CPD: variants seen among roughly 807,000 people sequenced by gnomAD.
CPD encodes carboxypeptidase D.
Under a neutral mutation model 138.3 loss-of-function variants are expected in CPD, and 69 were observed. That is an observed-to-expected ratio of 0.50 (90% confidence interval 0.41 to 0.61). The LOEUF (loss-of-function observed/expected upper bound fraction) is 0.61, where lower values mean the gene tolerates loss of function less well. Among genes scored for constraint, CPD ranks in the 20% least tolerant of loss-of-function variants. CPD has a pLI of 0.00. For missense variants in CPD, 1,432 were observed against 1,733.3 expected (o/e 0.83, Z 3.09); for synonymous variants, 651 against 642.1 (o/e 1.01, Z -0.21).
chr17:30,381,259 A>G (rs1911036145), intron 1 of CPD, among the ~76,000 whole-genome samples: 1 of 152,022 alleles, frequency 6.6e-6, no homozygotes, highest in African/African-American at 2.4e-5. Flanking sequence ...CTTTTTGGAG[A>G]TGATACAACA....
In CPD at chr17:30,445,654, G is replaced by A. The variant is rs562762124; in HGVS notation, c.2544-37G>A. On this transcript the variant is annotated intron_variant, in intron 11 of 20. Coordinates refer to ENST00000225719, the MANE Select transcript of CPD (RefSeq NM_001304.5). ...TTCCCAGGGTTTGGGTACTCCAGCT[G>A]CAGGAGTGTGGTTCTGATCTGTCTC... 5 of 1,446,992 alleles carry A rather than the reference G, an allele frequency of 3.5e-6. No individual in the cohort carries two copies. In the Admixed American group the frequency reaches 8.8e-5, roughly 26 times the overall value. 89.6% of individuals were successfully genotyped at this position (1,446,992 alleles called of 1,614,324 possible). A position where few individuals can be genotyped will look rare whatever the true frequency, so the allele number is the denominator to read the frequency against.
chr17:30,382,837 G>A (rs1911083087), intron 1 of CPD, among the ~76,000 whole-genome samples: 1 of 152,112 alleles, frequency 6.6e-6, no homozygotes, highest in East Asian at 1.9e-4. Flanking sequence ...AATGCCCAGA[G>A]GGTATTTGTT....
Position 30,466,828 on chromosome 17 carries a change from G to A in CPD, c.*2014G>A, listed in dbSNP as rs190671990. On this transcript the variant is annotated 3_prime_UTR_variant, in exon 21 of 21. Transcript: ENST00000225719. ...AATATGTCTTTAACTGTACATCTCAGTGGCTGGAGGCCATGCCTTTTAAGC... is the reference window on the plus strand; with the variant it reads ...AATATGTCTTTAACTGTACATCTCAATGGCTGGAGGCCATGCCTTTTAAGC... 1 of 152,444 alleles carries A rather than the reference G, an allele frequency of 6.6e-6. No individual in the cohort carries two copies. The highest frequency in any genetic ancestry group is 1.9e-4 in the East Asian group (1 of 5,194). 9.4% of individuals were successfully genotyped at this position (152,444 alleles called of 1,614,324 possible). A position where few individuals can be genotyped will look rare whatever the true frequency, so the allele number is the denominator to read the frequency against.
intron 8 of CPD, among the ~76,000 whole-genome samples, chr17:30,435,481 C>G (rs1912675499): frequency 6.6e-6 from 1 of 151,898 alleles, no homozygotes; most frequent in Admixed American, 6.6e-5. Flanking sequence ...AAACTAGATA[C>G]CTTCCTCACA....
intron 2 of CPD, among the ~76,000 whole-genome samples, chr17:30,386,432 C>T (rs984182457): frequency 1.7e-3 from 259 of 151,964 alleles, no homozygotes; most frequent in African/African-American, 5.9e-3. Flanking sequence ...GTAAAACATA[C>T]ATATATATAT....
chr17:30,402,957 T>C (rs1001000146), intron 2 of CPD, among the ~76,000 whole-genome samples: 4 of 151,964 alleles, frequency 2.6e-5, no homozygotes, highest in Non-Finnish European at 4.4e-5. Context: ...AAATACAAAA[T>C]TAGCTGGGCA....
intron 2 of CPD, among the ~76,000 whole-genome samples, chr17:30,401,697 G>C (rs1267457379): frequency 5.3e-5 from 8 of 152,102 alleles, no homozygotes; most frequent in Non-Finnish European, 1.2e-4. Context: ...TGTTGCCCCA[G>C]CTGGTCTCAA....
chr17:30,434,395 G>A (rs746774262), intron 8 of CPD, among the ~76,000 whole-genome samples: 13 of 152,128 alleles, frequency 8.5e-5, no homozygotes, highest in East Asian at 1.9e-4. Context: ...GAAAACTTAC[G>A]GAGAAGACAG....
rs372336205 is a variant in CPD, at chr17:30,427,424, G to C, written c.1883G>C (p.Ser628Thr). The change falls in exon 7 of 21, where the codon AGC becomes ACC. Residue 628 changes from serine (S) to threonine (T), a missense_variant. This residue lies in a region of CPD where 297 missense variants were observed against 405.3 expected (regional missense o/e 0.73). Coordinates refer to ENST00000225719, the MANE Select transcript of CPD (RefSeq NM_001304.5). ...ATAAGTGTAATTGGCAGAAACAACA[G>C]CAACAACTTTGACCTGAACCGAAAT... ...DSISVIGRNNSNNFDLNRNFP... is the reference protein window; with the variant it reads ...DSISVIGRNNTNNFDLNRNFP... The C allele has an allele frequency of 2.5e-6, 4 of 1,614,016 alleles. No homozygotes were observed. The African/African-American group carries it at 5.3e-5, about 22-fold the overall frequency.
intron 10 of CPD, among the ~76,000 whole-genome samples, 182 bp downstream of exon 10, chr17:30,442,632 G>A (rs1393700797): frequency 6.6e-6 from 1 of 152,120 alleles, no homozygotes; most frequent in African/African-American, 2.4e-5. Context: ...ATTCGTGAAT[G>A]GAAATGAGTT....
rs1298566681 is a variant in CPD at position 30,469,695 on chromosome 17, A to G, written c.*4881A>G. ...ATAGATTGTCTAAAGCATGGCAGTA[A>G]AGTTTTAATTATGCCAAGATGCTTC... On this transcript the variant is annotated 3_prime_UTR_variant, in exon 21 of 21. Coordinates refer to ENST00000225719, the MANE Select transcript of CPD (RefSeq NM_001304.5). 1 of 152,208 alleles carries G rather than the reference A, an allele frequency of 6.6e-6. No homozygotes were observed. The highest frequency in any genetic ancestry group is 1.5e-5 in the Non-Finnish European group (1 of 68,030). 9.4% of individuals were successfully genotyped at this position (152,208 alleles called of 1,614,324 possible).
intron 9 of CPD, 69 bp from the exon 10 acceptor site, chr17:30,442,239 G>A: frequency 6.7e-7 from 1 of 1,487,818 alleles, no homozygotes; most frequent in Non-Finnish European, 9.2e-7. Context: ...TAGGAATGTT[G>A]CTTACCTTTT....
Position 30,378,954 on chromosome 17 carries a change from A to G in CPD, c.-27A>G. The G allele has an allele frequency of 6.8e-7, 1 of 1,459,912 alleles. No homozygotes were observed. Among genetic ancestry groups the G allele is most frequent in the Non-Finnish European group, 8.9e-7 (1 of 1,119,040 alleles). 90.4% of individuals were successfully genotyped at this position (1,459,912 alleles called of 1,614,324 possible). A position where few individuals can be genotyped will look rare whatever the true frequency, so the allele number is the denominator to read the frequency against. ...CCGGAGCGCTGAGCCGCGGGAGCGG[A>G]GCCGGGGTTAGCGGCGCTGCTGGAA... is the stretch of plus-strand genomic sequence containing the variant. On this transcript the variant is annotated 5_prime_UTR_variant, in exon 1 of 21. Coordinates refer to ENST00000225719, the MANE Select transcript of CPD (RefSeq NM_001304.5).
Position 30,438,955 on chromosome 17 carries a change from G to T in CPD, c.2128-20G>T. The T allele has an allele frequency of 1.5e-6, 2 of 1,370,504 alleles. No individual in the cohort carries two copies. The highest frequency in any genetic ancestry group is 1.3e-5 in the South Asian group (1 of 77,276). 84.9% of individuals were successfully genotyped at this position (1,370,504 alleles called of 1,614,324 possible). A position where few individuals can be genotyped will look rare whatever the true frequency, so the allele number is the denominator to read the frequency against. ...GGAGATACAAACAAATAGAAGTAAA[G>T]ATTCTTTTTGTTTTTCCAGGAAAAT... On this transcript the variant is annotated intron_variant, in intron 8 of 20. Coordinates refer to ENST00000225719, the MANE Select transcript of CPD (RefSeq NM_001304.5).
chr17:30,414,983 G>GT (rs35816771), intron 2 of CPD, among the ~76,000 whole-genome samples: 76,468 of 151,970 alleles, frequency 0.5, 19,760 homozygotes, highest in East Asian at 0.83. Flanking sequence ...TGTAGATCAT[G>GT]TTTAAAACCA....
chr17:30,406,034 A>T (rs1911793470), intron 2 of CPD, among the ~76,000 whole-genome samples: 1 of 152,000 alleles, frequency 6.6e-6, no homozygotes, highest in Non-Finnish European at 1.5e-5. Context: ...CGTTGCTGGA[A>T]ACTTTTTAAA....
At chr17:30,396,600 A>C (rs1911514296) in intron 2 of CPD, among the ~76,000 whole-genome samples, 1 of 152,234 alleles carries the variant, frequency 6.6e-6, no homozygotes, top group African/African-American at 2.4e-5. Flanking sequence ...ATCTTAAAAC[A>C]CATGAAGATT....
At chr17:30,423,318 G>A (rs1269244326) in intron 5 of CPD, among the ~76,000 whole-genome samples, 188 bp from the exon 6 acceptor site, 1 of 152,122 alleles carries the variant, frequency 6.6e-6, no homozygotes, top group Non-Finnish European at 1.5e-5. Flanking sequence ...CTTTGAGCCT[G>A]CTCAGACATA....
At chr17:30,431,977 T>C (rs1912577895) in intron 8 of CPD, 96 bp downstream of exon 8, 1 of 798,764 alleles carries the variant, frequency 1.3e-6, no homozygotes, top group Non-Finnish European at 2.0e-6. Context: ...AGTGCTTCCA[T>C]AGTTAATAAA....
Sources: gnomAD v4.1 joint callset for allele counts (sites outside exome capture counted in the v4.1 genomes callset) on GRCh38, gnomAD v4.1.1 for gene constraint, gnomAD v4.1.1 regional missense constraint, MANE v1.5 for transcripts, NCBI Gene and HGNC (gene_info 2026-07-23, HGNC 2026-07-21) for gene names.